The following NAV2 variants were observed in gnomAD, a reference collection of about 807,000 sequenced individuals.
The protein encoded by NAV2 is helicase, APC down-regulated 1.
NAV2 carries 54 observed loss-of-function variants against 223.2 expected under a neutral mutation model. That is an observed-to-expected ratio of 0.24 (90% CI 0.19 to 0.30). The LOEUF is 0.30. Among genes scored for constraint, NAV2 ranks in the 10% least tolerant of loss-of-function variants. The pLI, the probability that NAV2 is intolerant of heterozygous loss-of-function variation, is 1.00. For missense variants in NAV2, 2,806 were observed against 3,147.5 expected (o/e 0.89, Z 2.60); for synonymous variants, 1,279 against 1,239.3 (o/e 1.03, Z -0.67).
intron 1 of NAV2, among the ~76,000 whole-genome samples, chr11:19,603,761 T>C (rs2046409947): frequency 1.3e-5 from 2 of 151,520 alleles, no homozygotes; most frequent in Admixed American, 1.3e-4. Flanking sequence ...CAAAGATGTA[T>C]AACATTAACT....
chr11:20,103,111 G>A, intron 32 of NAV2, 144 bp from the exon 33 acceptor site: 1 of 724,970 alleles, frequency 1.4e-6, no homozygotes, highest in Non-Finnish European at 2.2e-6. Context: ...GTAATAGGCA[G>A]GCACCCAGAA....
chr11:19,887,489 CT>C (rs1409399236), intron 5 of NAV2, among the ~76,000 whole-genome samples: 1 of 152,026 alleles, frequency 6.6e-6, no homozygotes, highest in Non-Finnish European at 1.5e-5. Flanking sequence ...CCTGGGTTTC[CT>C]TATTGGTCAA....
At chr11:19,381,269 G>A (rs1848828045) in intron 1 of NAV2, among the ~76,000 whole-genome samples, 1 of 152,116 alleles carries the variant, frequency 6.6e-6, no homozygotes, top group Non-Finnish European at 1.5e-5. Context: ...ACTGGACTTG[G>A]AGCTTTGTGA....
At chr11:19,487,350 A>C (rs1308476008) in intron 1 of NAV2, among the ~76,000 whole-genome samples, 1 of 152,208 alleles carries the variant, frequency 6.6e-6, no homozygotes, top group Non-Finnish European at 1.5e-5. Context: ...GATACTCTGT[A>C]ATAAGCAACA....
At chr11:19,498,896 T>C (rs1376871524) in intron 1 of NAV2, among the ~76,000 whole-genome samples, 1 of 152,218 alleles carries the variant, frequency 6.6e-6, no homozygotes, top group Non-Finnish European at 1.5e-5. Flanking sequence ...GGTTGACAGC[T>C]CTGTTATAAG....
At chr11:19,980,987 A>G (rs1252251905) in intron 10 of NAV2, among the ~76,000 whole-genome samples, 2 of 152,218 alleles carry the variant, frequency 1.3e-5, no homozygotes, top group Non-Finnish European at 2.9e-5. Flanking sequence ...ATGTGTTTAC[A>G]TATCTCTAAA....
chr11:19,487,197 A>G (rs1354463273), intron 1 of NAV2, among the ~76,000 whole-genome samples: 1 of 152,206 alleles, frequency 6.6e-6, no homozygotes, highest in Non-Finnish European at 1.5e-5. Flanking sequence ...AGTAGAACTG[A>G]CTTAACAATT....
intron 1 of NAV2, among the ~76,000 whole-genome samples, chr11:19,491,472 G>A (rs542472426): frequency 1.0e-3 from 155 of 152,316 alleles, no homozygotes; most frequent in African/African-American, 3.7e-3. Flanking sequence ...GGAGGTGGCT[G>A]TTTTCCTTAA....
intron 6 of NAV2, among the ~76,000 whole-genome samples, chr11:19,918,437 A>G (rs930522529): frequency 1.3e-5 from 2 of 152,224 alleles, no homozygotes; most frequent in East Asian, 3.8e-4. Context: ...TTTTTCCATC[A>G]TGGACTGGGA....
At chr11:19,731,335 C>T (rs1386330374) in intron 1 of NAV2, among the ~76,000 whole-genome samples, 1 of 152,226 alleles carries the variant, frequency 6.6e-6, no homozygotes, top group East Asian at 1.9e-4. Flanking sequence ...CCCTGGCTCC[C>T]ACAGTGGGAA....
intron 1 of NAV2, among the ~76,000 whole-genome samples, chr11:19,542,260 CTGCCAGACACTA>C (rs1172461629): frequency 6.6e-6 from 1 of 152,246 alleles, no homozygotes; most frequent in Non-Finnish European, 1.5e-5. Flanking sequence ...CACTCACCAC[CTGCCAGACACTA>C]TGCTAGGCAT....
At chr11:19,876,612 G>A (rs1354112365) in intron 4 of NAV2, among the ~76,000 whole-genome samples, 2 of 152,128 alleles carry the variant, frequency 1.3e-5, no homozygotes, top group African/African-American at 4.8e-5. Context: ...GGGAACAATG[G>A]CCATTCTGAT....
intron 6 of NAV2, among the ~76,000 whole-genome samples, chr11:19,922,015 G>A (rs564249973): frequency 2.0e-5 from 3 of 152,268 alleles, no homozygotes; most frequent in South Asian, 2.1e-4. Flanking sequence ...GAGCTGCTCT[G>A]GTAGAAGTGG....
intron 4 of NAV2, among the ~76,000 whole-genome samples, chr11:19,871,793 T>TA (rs1435080003): frequency 6.6e-6 from 1 of 152,162 alleles, no homozygotes; most frequent in Non-Finnish European, 1.5e-5. Context: ...GGGTCTCTGC[T>TA]AAGCGGATGT....
intron 12 of NAV2, among the ~76,000 whole-genome samples, chr11:20,037,332 A>G (rs1250441596): frequency 6.7e-6 from 1 of 148,738 alleles, no homozygotes; most frequent in South Asian, 2.1e-4. Flanking sequence ...TTGGAAATCT[A>G]TTTTCTTTTA....
intron 2 of NAV2, among the ~76,000 whole-genome samples, chr11:19,834,648 T>C (rs1430948468): frequency 6.6e-6 from 1 of 151,974 alleles, no homozygotes; most frequent in African/African-American, 2.4e-5. Context: ...ACATTATGCA[T>C]GTGGGCCTAC....
chr11:19,650,493 G>C (rs986693796), intron 1 of NAV2, among the ~76,000 whole-genome samples: 1 of 152,170 alleles, frequency 6.6e-6, no homozygotes, highest in Non-Finnish European at 1.5e-5. Context: ...TAAGCCTCCT[G>C]GTTGTGGTAC....
chr11:19,639,382 C>A (rs2047595946), intron 1 of NAV2, among the ~76,000 whole-genome samples: 1 of 152,166 alleles, frequency 6.6e-6, no homozygotes, highest in South Asian at 2.1e-4. Context: ...CATGTGGGGG[C>A]CCCTGGAGCC....
At chr11:19,993,898 C>T (rs923941498) in intron 11 of NAV2, among the ~76,000 whole-genome samples, 17 of 152,306 alleles carry the variant, frequency 1.1e-4, no homozygotes, top group South Asian at 2.1e-4. Context: ...TACTATGCAA[C>T]GGGCTCTTGG....
Sources: gnomAD v4.1 joint callset for allele counts (sites outside exome capture counted in the v4.1 genomes callset) on GRCh38, gnomAD v4.1.1 for gene constraint, MANE v1.5 for transcripts, NCBI Gene and HGNC (gene_info 2026-07-23, HGNC 2026-07-21) for gene names.